ST8SIA6: variants seen among roughly 807,000 people sequenced by gnomAD.
ST8SIA6 encodes alpha-2,8-sialyltransferase 8F.
A neutral mutation model predicts 33.6 loss-of-function variants in ST8SIA6; 39 were observed. The observed-to-expected ratio is 1.16, with a 90% CI of 0.90 to 1.52. The LOEUF is 1.52. Among genes scored for constraint, ST8SIA6 ranks in the 40% most tolerant of loss-of-function variants. The probability of loss-of-function intolerance (pLI) is 0.00; values close to 1 mark genes in which losing one functional copy is unlikely to be tolerated. For missense variants in ST8SIA6, 441 were observed against 443.8 expected (o/e 0.99, Z 0.06); for synonymous variants, 172 against 167.2 (o/e 1.03, Z -0.22).
chr10:17,364,889 CA>C (rs1849508906), intron 3 of ST8SIA6, among the ~76,000 whole-genome samples: 1 of 152,210 alleles, frequency 6.6e-6, no homozygotes, highest in Non-Finnish European at 1.5e-5. Flanking sequence ...AGCTCTGCTT[CA>C]GATATCATTT....
intron 3 of ST8SIA6, among the ~76,000 whole-genome samples, chr10:17,381,557 TAATA>T (rs1276999527): frequency 2.0e-5 from 3 of 152,232 alleles, no homozygotes; most frequent in Non-Finnish European, 4.4e-5. Context: ...GTAAAATCTT[TAATA>T]AATAAGCTGG....
intron 2 of ST8SIA6, among the ~76,000 whole-genome samples, chr10:17,416,216 C>G (rs1439794897): frequency 6.6e-6 from 1 of 152,108 alleles, no homozygotes; most frequent in Non-Finnish European, 1.5e-5. Flanking sequence ...CCTGGCTGCT[C>G]CCTCTGCCTC....
At chr10:17,407,540 T>G (rs1403857480) in intron 2 of ST8SIA6, among the ~76,000 whole-genome samples, 1 of 152,206 alleles carries the variant, frequency 6.6e-6, no homozygotes, top group Non-Finnish European at 1.5e-5. Flanking sequence ...CTTTACTCCA[T>G]AAATATCCCT....
intron 3 of ST8SIA6, among the ~76,000 whole-genome samples, chr10:17,361,414 G>A (rs1849384791): frequency 6.6e-6 from 1 of 151,580 alleles, no homozygotes; most frequent in African/African-American, 2.4e-5. Flanking sequence ...GATATGTGTT[G>A]AAAGACACAA....
chr10:17,349,935 A>AACACAC (rs72378605), intron 4 of ST8SIA6, among the ~76,000 whole-genome samples: 4 of 151,206 alleles, frequency 2.6e-5, no homozygotes, highest in African/African-American at 7.3e-5. Context: ...AAATTAAATA[A>AACACAC]ACACACACAC....
At chr10:17,366,454 T>C (rs17444672) in intron 3 of ST8SIA6, among the ~76,000 whole-genome samples, 3,564 of 152,230 alleles carry the variant, frequency 0.023, 69 homozygotes, top group South Asian at 0.1. Context: ...CTTTTTTTTT[T>C]TCAAGGGATG....
chr10:17,389,237 A>G (rs1297305289), intron 3 of ST8SIA6, among the ~76,000 whole-genome samples: 1 of 152,150 alleles, frequency 6.6e-6, no homozygotes, highest in Non-Finnish European at 1.5e-5. Context: ...TGAGTAATAA[A>G]ACTCCGGTCT....
intron 3 of ST8SIA6, among the ~76,000 whole-genome samples, chr10:17,366,678 AC>A (rs1343828872): frequency 6.6e-6 from 1 of 152,056 alleles, no homozygotes; most frequent in Non-Finnish European, 1.5e-5. Context: ...AGCTGTTACC[AC>A]CCCCAAATCT....
intron 2 of ST8SIA6, among the ~76,000 whole-genome samples, chr10:17,429,673 TG>T (rs1352213343): frequency 6.6e-6 from 1 of 151,554 alleles, no homozygotes; most frequent in South Asian, 2.1e-4. Context: ...TGTGTAGAGA[TG>T]GGGTCTCACT....
chr10:17,435,085 C>A (rs1158605488), intron 2 of ST8SIA6, among the ~76,000 whole-genome samples: 1 of 152,192 alleles, frequency 6.6e-6, no homozygotes, highest in Non-Finnish European at 1.5e-5. Flanking sequence ...TGAAGCTGAC[C>A]ATGCGTGGCT....
chr10:17,414,798 A>T (rs1851553686), intron 2 of ST8SIA6, among the ~76,000 whole-genome samples: 1 of 152,146 alleles, frequency 6.6e-6, no homozygotes, highest in African/African-American at 2.4e-5. Flanking sequence ...TAAAGACCTT[A>T]TCTTCTAATA....
At chr10:17,447,822 A>T (rs1415109830) in intron 2 of ST8SIA6, among the ~76,000 whole-genome samples, 1 of 152,106 alleles carries the variant, frequency 6.6e-6, no homozygotes, top group African/African-American at 2.4e-5. Flanking sequence ...ATTTAAAAAA[A>T]ATTTTTTTTT....
In ST8SIA6 at chr10:17,454,433, G is replaced by A. The variant is rs1431264692; in HGVS notation, c.-178C>T. 1 of 156,962 alleles carries A rather than the reference G, an allele frequency of 6.4e-6. No individual in the cohort carries two copies. Among genetic ancestry groups the A allele is most frequent in the Non-Finnish European group, 1.4e-5 (1 of 71,274 alleles). 9.7% of individuals were successfully genotyped at this position (156,962 alleles called of 1,614,324 possible). A position where few individuals can be genotyped will look rare whatever the true frequency, so the allele number is the denominator to read the frequency against. Reference sequence around the variant, plus strand: ...CAGCCCACCCGGCAGAGTCTCCGCGGCGGGCGGAGAAGAAGCCGCGTTCGG... The same window carrying A: ...CAGCCCACCCGGCAGAGTCTCCGCGACGGGCGGAGAAGAAGCCGCGTTCGG... On this transcript the variant is annotated 5_prime_UTR_variant, in exon 1 of 8. Transcript: ENST00000377602. This position sits in a 1 kb window ranked among gnomAD's most constrained non-coding sequence, Gnocchi z 4.1.
chr10:17,450,938 A>G (rs2131751066), intron 2 of ST8SIA6, among the ~76,000 whole-genome samples: 1 of 152,294 alleles, frequency 6.6e-6, no homozygotes, highest in East Asian at 1.9e-4. Context: ...CACCTATGGC[A>G]GGCAACACAG....
chr10:17,397,019 A>G (rs752503219), intron 2 of ST8SIA6, among the ~76,000 whole-genome samples: 27 of 152,140 alleles, frequency 1.8e-4, no homozygotes, highest in Non-Finnish European at 2.8e-4. Context: ...GGGCCAGTGC[A>G]TAAGAGTGGG....
rs965190802 is a variant in ST8SIA6 at position 17,361,458 on chromosome 10, C to T, written c.291-1858G>A. On this transcript the variant is annotated intron_variant, in intron 3 of 7. Coordinates refer to ENST00000377602, the MANE Select transcript of ST8SIA6 (RefSeq NM_001004470.3). ...AGGCCACTCAAGAAGAAATTAATAACATAAATAGTCCTATAGCCATTAATA... is the reference window on the plus strand; with the variant it reads ...AGGCCACTCAAGAAGAAATTAATAATATAAATAGTCCTATAGCCATTAATA... Among the ~76,000 whole-genome samples, 136 of 151,460 alleles carry T rather than the reference C, an allele frequency of 9.0e-4. 1 individual carries two copies. The highest frequency in any genetic ancestry group is 3.2e-3 in the African/African-American group (131 of 41,360).
At chr10:17,371,813 T>TAAAAAAAAAAA (rs1849745422) in intron 3 of ST8SIA6, among the ~76,000 whole-genome samples, 1 of 116,918 alleles carries the variant, frequency 8.6e-6, no homozygotes, top group African/African-American at 3.2e-5. Flanking sequence ...AGAAAGAAAG[T>TAAAAAAAAAAA]AAAAAATGAG....
Position 17,318,819 on chromosome 10 carries a change from G to A in ST8SIA6, c.*2059C>T, listed in dbSNP as rs1051458336. The stretch of plus-strand genomic sequence containing the variant: ...TTACAGTTTACATAGCTGACATGCT[G>A]TATTGTAAACATTCATGTTCTATCA... On this transcript the variant is annotated 3_prime_UTR_variant, in exon 8 of 8. Coordinates refer to ENST00000377602, the MANE Select transcript of ST8SIA6 (RefSeq NM_001004470.3). 6.8e-6 allele frequency: 3 copies of A among 440,626 alleles called. No homozygotes were observed. The highest frequency in any genetic ancestry group is 2.8e-5 in the Admixed American group (1 of 36,210). 27.3% of individuals were successfully genotyped at this position (440,626 alleles called of 1,614,324 possible).
intron 2 of ST8SIA6, among the ~76,000 whole-genome samples, chr10:17,403,062 C>T (rs1246096038): frequency 6.6e-6 from 1 of 152,198 alleles, no homozygotes; most frequent in Non-Finnish European, 1.5e-5. Flanking sequence ...GAAGGATTCA[C>T]AGGAATGAAC....
Sources: allele counts gnomAD v4.1 joint callset (sites outside exome capture counted in the v4.1 genomes callset), GRCh38; gene constraint gnomAD v4.1.1; non-coding constraint Gnocchi (gnomAD v3.1); transcripts MANE v1.5; gene names NCBI Gene and HGNC (gene_info 2026-07-23, HGNC 2026-07-21).